The following FAM120B variants were observed in gnomAD, a reference collection of about 807,000 sequenced individuals.
FAM120B encodes family with sequence similarity 120 member B.
FAM120B carries 83 observed loss-of-function variants against 96.3 expected under a neutral mutation model. That is an observed-to-expected ratio of 0.86 (90% confidence interval 0.72 to 1.03). The LOEUF is 1.03. FAM120B is among the 50% of genes least tolerant of loss of function. The probability of loss-of-function intolerance (pLI) is 0.00; values close to 1 mark genes in which losing one functional copy is unlikely to be tolerated. For missense variants in FAM120B, 1,027 were observed against 1,121.2 expected (o/e 0.92, Z 1.20); for synonymous variants, 407 against 402.7 (o/e 1.01, Z -0.13).
intron 7 of FAM120B, among the ~76,000 whole-genome samples, 191 bp from the exon 8 acceptor site, chr6:170,390,822 T>C (rs567596206): frequency 7.9e-5 from 12 of 152,284 alleles, no homozygotes; most frequent in Admixed American, 7.2e-4. Context: ...TCGAAGAACC[T>C]CTTGGGATGT....
intron 4 of FAM120B, among the ~76,000 whole-genome samples, chr6:170,332,416 G>A (rs539785128): frequency 2.0e-5 from 3 of 152,318 alleles, no homozygotes; most frequent in Admixed American, 6.5e-5. Context: ...AGATCAGCTG[G>A]GTGGGGTTGG....
Position 170,318,029 on chromosome 6 carries a change from G to C in FAM120B, c.639G>C (p.Glu213Asp), listed in dbSNP as rs746893702. 5.0e-6 allele frequency: 8 copies of C among 1,613,938 alleles called. No homozygotes were observed. The highest frequency in any genetic ancestry group is 2.2e-5 in the East Asian group (1 of 44,896). Residue 213 changes from glutamate to aspartate, a missense_variant, in exon 2 of 11, where the codon GAG becomes GAC. Physicochemically the swap from Glu to Asp is conservative, Grantham distance 45. Around this residue, in one of 3 missense-constraint regions of FAM120B, gnomAD observed 880 missense variants for 980.9 expected, o/e 0.90. Transcript: ENST00000476287. ...TVMLCREKLC[E>D]SLGLCVADLP... ...TGCTCTGCAGAGAGAAGCTCTGTGA[G>C]AGTCTGGGCCTCTGTGTGGCCGACC...
At chr6:170,374,367 A>G (rs1469493420) in intron 6 of FAM120B, among the ~76,000 whole-genome samples, 2 of 152,222 alleles carry the variant, frequency 1.3e-5, no homozygotes, top group Non-Finnish European at 2.9e-5. Flanking sequence ...TGAACCTGAC[A>G]GAAGTCGGTG....
chr6:170,366,349 T>C (rs1461918892), intron 6 of FAM120B, among the ~76,000 whole-genome samples: 2 of 152,178 alleles, frequency 1.3e-5, no homozygotes, highest in Admixed American at 6.5e-5. Flanking sequence ...AGAGCCTTGC[T>C]GGCTCCTAGG....
intron 1 of FAM120B, among the ~76,000 whole-genome samples, chr6:170,313,821 A>C (rs1249203590): frequency 1.3e-5 from 2 of 152,160 alleles, no homozygotes; most frequent in South Asian, 2.1e-4. Flanking sequence ...GACATGGCTT[A>C]GATGCTGGGG....
At chr6:170,395,820 C>G (rs1009504356) in intron 9 of FAM120B, among the ~76,000 whole-genome samples, 5 of 152,198 alleles carry the variant, frequency 3.3e-5, no homozygotes, top group Non-Finnish European at 7.3e-5. Context: ...TCAGTTCATT[C>G]TGCTCAAGAT....
intron 2 of FAM120B, 120 bp downstream of exon 2, chr6:170,319,244 T>C: frequency 1.0e-6 from 1 of 952,636 alleles, no homozygotes; most frequent in Non-Finnish European, 1.5e-6. Context: ...AACAGGAGTC[T>C]CTAAGTCTCG....
At chr6:170,309,247 CAT>C (rs1433836164) in intron 1 of FAM120B, among the ~76,000 whole-genome samples, 1 of 152,102 alleles carries the variant, frequency 6.6e-6, no homozygotes, top group African/African-American at 2.4e-5. Flanking sequence ...AGATTTAAAA[CAT>C]GTTTAAAGTT....
chr6:170,380,741 A>T (rs1789855451), intron 6 of FAM120B, among the ~76,000 whole-genome samples: 1 of 152,034 alleles, frequency 6.6e-6, no homozygotes, highest in African/African-American at 2.4e-5. Flanking sequence ...CATATTTTGG[A>T]TGTTAGCCCC....
chr6:170,305,736 C>A (rs1784258073), upstream of FAM120B, among the ~76,000 whole-genome samples: 1 of 152,218 alleles, frequency 6.6e-6, no homozygotes, highest in South Asian at 2.1e-4. Context: ...GTCACTCACA[C>A]GTGCCTGCCA....
At chr6:170,291,366 T>C (rs963587651), upstream of FAM120B, among the ~76,000 whole-genome samples, 1 of 150,690 alleles carries the variant, frequency 6.6e-6, no homozygotes, top group African/African-American at 2.4e-5. Flanking sequence ...CCTCCGAAAC[T>C]CCGGGCCGCG....
At chr6:170,362,593 AGT>A (rs1562568702) in intron 6 of FAM120B, among the ~76,000 whole-genome samples, 1 of 152,110 alleles carries the variant, frequency 6.6e-6, no homozygotes, top group Non-Finnish European at 1.5e-5. Flanking sequence ...GTCCAGGCCC[AGT>A]GTGTGCACTC....
intron 1 of FAM120B, among the ~76,000 whole-genome samples, chr6:170,310,659 G>T (rs1784536764): frequency 6.6e-6 from 1 of 152,208 alleles, no homozygotes; most frequent in Non-Finnish European, 1.5e-5. Context: ...GACTTAAGAG[G>T]CTGCACAAAA....
chr6:170,303,168 C>T (rs1321482455), upstream of FAM120B, among the ~76,000 whole-genome samples: 2 of 152,224 alleles, frequency 1.3e-5, no homozygotes, highest in African/African-American at 4.8e-5. Context: ...CACACTCCCA[C>T]TCCCAATTCC....
chr6:170,342,534 A>G (rs765243906), intron 4 of FAM120B, among the ~76,000 whole-genome samples: 4 of 152,238 alleles, frequency 2.6e-5, no homozygotes, highest in Non-Finnish European at 5.9e-5. Flanking sequence ...GCAATGGGGC[A>G]CTCAGGAGGT....
chr6:170,337,409 G>A (rs1786511760), intron 4 of FAM120B, among the ~76,000 whole-genome samples: 1 of 152,146 alleles, frequency 6.6e-6, no homozygotes, highest in South Asian at 2.1e-4. Flanking sequence ...TAAATTTTTT[G>A]ATGTGCTGCT....
chr6:170,328,188 A>G (rs9460115), intron 3 of FAM120B, among the ~76,000 whole-genome samples: 18,149 of 151,958 alleles, frequency 0.12, 1,346 homozygotes, highest in African/African-American at 0.2. Context: ...TTCTTTCTTT[A>G]TATCATTCTA....
chr6:170,308,633 G>A (rs1450061672), intron 1 of FAM120B, among the ~76,000 whole-genome samples: 2 of 152,166 alleles, frequency 1.3e-5, no homozygotes, highest in African/African-American at 4.8e-5. Flanking sequence ...CAGAGATCTT[G>A]TGTTTATAAT....
At chr6:170,399,300 C>A (rs974631688) in intron 9 of FAM120B, among the ~76,000 whole-genome samples, 4 of 146,068 alleles carry the variant, frequency 2.7e-5, no homozygotes, top group Admixed American at 6.7e-5. Flanking sequence ...GAAGGTAGAA[C>A]TATGTCATAA....
Sources: allele counts gnomAD v4.1 joint callset (sites outside exome capture counted in the v4.1 genomes callset), GRCh38; gene constraint gnomAD v4.1.1; regional missense constraint gnomAD v4.1.1; transcripts MANE v1.5; gene names NCBI Gene and HGNC (gene_info 2026-07-23, HGNC 2026-07-21).